Variants in RP9 observed in about 807,000 individuals in gnomAD.
RP9 encodes RP9 pre-mRNA splicing factor, also known as retinitis pigmentosa 9 protein.
Under a neutral mutation model 32.6 loss-of-function variants are expected in RP9, and 23 were observed. That is an observed-to-expected ratio of 0.71 (90% CI 0.51 to 1.00). RP9 has a LOEUF of 1.00. RP9 is among the 50% of genes least tolerant of loss of function. The pLI, the probability that RP9 is intolerant of heterozygous loss-of-function variation, is 0.00. For synonymous variants in RP9, 94 were observed against 103.6 expected (o/e 0.91, Z 0.56); for missense variants, 245 against 285.3 (o/e 0.86, Z 1.02).
intron 1 of RP9, among the ~76,000 whole-genome samples, chr7:33,106,819 C>A: frequency 6.6e-6 from 1 of 151,992 alleles, no homozygotes; most frequent in East Asian, 1.9e-4. Flanking sequence ...TGATGCACAC[C>A]TGTAGTCCCA....
intron 1 of RP9, among the ~76,000 whole-genome samples, chr7:33,101,473 G>A (rs1253735519): frequency 6.6e-6 from 1 of 152,074 alleles, no homozygotes; most frequent in Admixed American, 6.6e-5. Flanking sequence ...GTGGTGGCGG[G>A]TGCCTGTAAT....
chr7:33,102,011 T>A lies in RP9; in HGVS notation c.153-1450A>T, dbSNP rs547579066. 1.2e-4 allele frequency among the ~76,000 whole-genome samples: 18 copies of A among 152,208 alleles called. No individual in the cohort carries two copies. The South Asian group carries it at 3.5e-3, about 30-fold the overall frequency. On this transcript the variant is annotated intron_variant, in intron 1 of 5. Transcript: ENST00000297157. ...AGCCACAAGCATTATACAAAAAATA[T>A]ATGGCCAATCGAATTGAGATCCAAA...
rs1005879075 is a variant in RP9 at position 33,096,558 on chromosome 7, A to G, written c.406-4T>C. ...CATACATGGGATCTTCATGTGCCTT[A>G]AGGGTCAGAGAAGGTTAAGGTTTGG... On this transcript the variant is annotated splice_polypyrimidine_tract_variant and splice_region_variant and intron_variant, in intron 4 of 5. Coordinates refer to ENST00000297157, the MANE Select transcript of RP9 (RefSeq NM_203288.2). The G allele has an allele frequency of 6.2e-7, 1 of 1,609,176 alleles. No individual in the cohort carries two copies. The highest frequency in any genetic ancestry group is 1.3e-5 in the African/African-American group (1 of 74,896).
intron 1 of RP9, among the ~76,000 whole-genome samples, chr7:33,105,423 T>C (rs1788485303): frequency 6.6e-6 from 1 of 151,994 alleles, no homozygotes; most frequent in Non-Finnish European, 1.5e-5. Context: ...AAGTGGGCCA[T>C]AAAAACTAGA....
At chr7:33,108,961 G>A (rs556284576) in intron 1 of RP9, among the ~76,000 whole-genome samples, 2 of 152,310 alleles carry the variant, frequency 1.3e-5, no homozygotes, top group Non-Finnish European at 2.9e-5. Context: ...AGCTAGGGAA[G>A]CGCAGGGCCT....
intron 1 of RP9, among the ~76,000 whole-genome samples, chr7:33,108,628 C>T (rs563868685): frequency 6.6e-6 from 1 of 152,286 alleles, no homozygotes; most frequent in South Asian, 2.1e-4. Context: ...CTTTTATCGC[C>T]TGAGCGCCTC....
At chr7:33,101,197 T>A (rs1788419179) in intron 1 of RP9, among the ~76,000 whole-genome samples, 1 of 152,144 alleles carries the variant, frequency 6.6e-6, no homozygotes, top group African/African-American at 2.4e-5. Context: ...CACTTAATGA[T>A]TTAATGTTTT....
At position 33,095,130 on chromosome 7, in the gene RP9, T is replaced by TA; in HGVS notation, c.*103dup. The TA allele has an allele frequency of 7.3e-7, 1 of 1,371,340 alleles. No homozygotes were observed. The highest frequency in any genetic ancestry group is 1.0e-6 in the Non-Finnish European group (1 of 962,358). The allele number at this position is 1,371,340 out of a possible 1,614,324, so 84.9% of individuals were successfully genotyped here. A position where few individuals can be genotyped will look rare whatever the true frequency, so the allele number is the denominator to read the frequency against. The stretch of plus-strand genomic sequence containing the variant: ...GGAGCTCACTGCTGTGACCCACATA[T>TA]ACTCCTCTCTCGGCGTCTCTATCCT... On this transcript the variant is annotated 3_prime_UTR_variant, in exon 6 of 6. Coordinates refer to ENST00000297157, the MANE Select transcript of RP9 (RefSeq NM_203288.2).
Position 33,106,285 on chromosome 7 carries a change from C to T in RP9, c.152+2936G>A, listed in dbSNP as rs1788496867. On this transcript the variant is annotated intron_variant, in intron 1 of 5. Transcript: ENST00000297157. ...CAGGCTCAAGCAGATCTTCCCACTT[C>T]AGCCTCCCAAGTAGCTGGAACCACA... is the stretch of plus-strand genomic sequence containing the variant. 2.6e-5 allele frequency among the ~76,000 whole-genome samples: 4 copies of T among 152,102 alleles called. No individual in the cohort carries two copies. In the South Asian group the frequency reaches 8.3e-4, roughly 32 times the overall value.
chr7:33,101,540 T>C (rs1406958715), intron 1 of RP9, among the ~76,000 whole-genome samples: 4 of 151,582 alleles, frequency 2.6e-5, no homozygotes, highest in Non-Finnish European at 5.9e-5. Flanking sequence ...AGGCAGAAGT[T>C]GCAGTGAGCT....
Position 33,109,298 on chromosome 7 carries a change from C to T in RP9, c.75G>A (p.Glu25=), listed in dbSNP as rs1788547534. The T allele has an allele frequency of 2.0e-6, 3 of 1,476,436 alleles. No individual in the cohort carries two copies. Among genetic ancestry groups the T allele is most frequent in the Non-Finnish European group, 1.8e-6 (2 of 1,118,024 alleles). The allele number at this position is 1,476,436 out of a possible 1,614,324, so 91.5% of individuals were successfully genotyped here. ...ARRPREPPEQ[E]LQRRREQKRR... ...GCTTCTGCTCCCGACGTCGCTGCAG[C>T]TCCTGCTCCGGCGGCTCACGCGGCC... Residue 25 remains glutamate, a synonymous_variant, in exon 1 of 6, where the codon GAG becomes GAA. Transcript: ENST00000297157. This position sits in a 1 kb window ranked among gnomAD's most constrained non-coding sequence, Gnocchi z 4.9.
intron 1 of RP9, among the ~76,000 whole-genome samples, chr7:33,108,200 G>A (rs1788525888): frequency 6.6e-6 from 1 of 152,236 alleles, no homozygotes; most frequent in African/African-American, 2.4e-5. Flanking sequence ...GGCTAAAACA[G>A]AAACGAATTC....
At chr7:33,108,279 A>C (rs764932165) in intron 1 of RP9, among the ~76,000 whole-genome samples, 1 of 152,240 alleles carries the variant, frequency 6.6e-6, no homozygotes. Flanking sequence ...AATCACGGAC[A>C]AGAACTGAAA....
intron 3 of RP9, among the ~76,000 whole-genome samples, chr7:33,098,509 C>A (rs917093625): frequency 6.6e-6 from 1 of 152,130 alleles, no homozygotes; most frequent in Non-Finnish European, 1.5e-5. Context: ...AAGGGTCACA[C>A]GAATGAATGA....
chr7:33,106,282 C>T (rs1788496810), intron 1 of RP9, among the ~76,000 whole-genome samples: 1 of 152,108 alleles, frequency 6.6e-6, no homozygotes, highest in Non-Finnish European at 1.5e-5. Context: ...GATCTTCCCA[C>T]TTCAGCCTCC....
chr7:33,099,152 G>T, intron 3 of RP9, 155 bp downstream of exon 3: 3 of 830,306 alleles, frequency 3.6e-6, no homozygotes, highest in Middle Eastern at 3.4e-4. Flanking sequence ...CACGGTGGTG[G>T]GGGGTGGGGT....
intron 4 of RP9, 70 bp downstream of exon 4, chr7:33,097,201 G>C: frequency 8.4e-7 from 1 of 1,192,496 alleles, no homozygotes; most frequent in African/African-American, 1.5e-5. Flanking sequence ...AAGTTCACTG[G>C]TGACTTTCTG....
At chr7:33,100,223 C>T (rs902557724) in intron 2 of RP9, 16 of 435,588 alleles carry the variant, frequency 3.7e-5, no homozygotes, top group Middle Eastern at 6.8e-4. Flanking sequence ...GGGGCTGAGC[C>T]GGGTGAGGCC....
At position 33,109,226 on chromosome 7, in the gene RP9, C is replaced by T; in HGVS notation, c.147G>A (p.Glu49=). The change falls in exon 1 of 6, where the codon GAG becomes GAA. Residue 49 remains glutamate, a synonymous_variant. Transcript: ENST00000297157. The surrounding 1 kb of genome is among the most constrained non-coding windows in gnomAD (Gnocchi z 4.9). ...GACGGCAGCTCGGGACTCACAAGGACTCCAGGTGCTTGAGCTGCTGCAGCT... is the reference window on the plus strand; with the variant it reads ...GACGGCAGCTCGGGACTCACAAGGATTCCAGGTGCTTGAGCTGCTGCAGCT... ...AQQLQQLKHL[E]SFYEKPPPGL... 6.7e-7 allele frequency: 1 copy of T among 1,497,992 alleles called. No individual in the cohort carries two copies. Among genetic ancestry groups the T allele is most frequent in the Non-Finnish European group, 8.9e-7 (1 of 1,125,926 alleles). The allele number at this position is 1,497,992 out of a possible 1,614,324, so 92.8% of individuals were successfully genotyped here.
Sources: allele counts gnomAD v4.1 joint callset (sites outside exome capture counted in the v4.1 genomes callset), GRCh38; gene constraint gnomAD v4.1.1; non-coding constraint Gnocchi (gnomAD v3.1); transcripts MANE v1.5; gene names NCBI Gene and HGNC (gene_info 2026-07-23, HGNC 2026-07-21).